The following CDH4 variants were observed in gnomAD, a reference collection of about 807,000 sequenced individuals.
The protein encoded by CDH4 is cadherin-4.
In CDH4, 33 loss-of-function variants were observed where a neutral mutation model predicts 86.0. The ratio of observed to expected loss-of-function variants is 0.38; its 90% confidence interval spans 0.29 to 0.51. CDH4 has a LOEUF of 0.51. CDH4 is among the 20% of genes least tolerant of loss of function. The pLI is 0.86. For synonymous variants in CDH4, 555 were observed against 549.4 expected, an observed-to-expected ratio of 1.01 and a Z score of -0.14; for missense variants, 1,114 against 1,307.4, an observed-to-expected ratio of 0.85 and a Z score of 2.28.
chr20:61,322,056 T>C (rs971745236), intron 2 of CDH4, among the ~76,000 whole-genome samples: 9 of 152,084 alleles, frequency 5.9e-5, no homozygotes, highest in African/African-American at 1.9e-4. Flanking sequence ...GGTTACGTGG[T>C]TGGTCAGAGG....
chr20:61,684,113 C>T lies in CDH4; in HGVS notation c.170-59450C>T, dbSNP rs2087548633. ...GGGTTGGCTGATACCTACTGTGTAG[C>T]AGGGATTGCAGTGGCATCGGACAAA... On this transcript the variant is annotated intron_variant, in intron 2 of 15. Transcript: ENST00000614565. The surrounding 1 kb of genome is among the most constrained non-coding windows in gnomAD (Gnocchi z 4.5). Among the ~76,000 whole-genome samples the T allele has an allele frequency of 1.3e-5, 2 of 152,230 alleles. No individual in the cohort carries two copies.
rs1325409429 is a variant in CDH4, at chr20:61,810,637, GC to G, written c.577-34026del. 6.6e-6 allele frequency among the ~76,000 whole-genome samples: 1 copy of G among 152,084 alleles called. No individual in the cohort carries two copies. The highest frequency in any genetic ancestry group is 1.5e-5 in the Non-Finnish European group (1 of 68,002). ...CATCCACCACTACCAACACCTCCCA[GC>G]CCCCTAACAAGCCAGGAACCACTCC... On this transcript the variant is annotated intron_variant, in intron 4 of 15. Transcript: ENST00000614565. The surrounding 1 kb of genome is among the most constrained non-coding windows in gnomAD (Gnocchi z 4.3).
Position 61,772,871 on chromosome 20 carries a change from G to T in CDH4, c.397-132G>T, listed in dbSNP as rs550662398. The T allele has an allele frequency of 9.7e-4, 632 of 651,952 alleles. 17 individuals are homozygous for T. The South Asian group carries it at 0.02, about 21-fold the overall frequency. The allele number at this position is 651,952 out of a possible 1,614,324, so 40.4% of individuals were successfully genotyped here. ...AGCGTTATCCCGCCCTTCCCGCTTA[G>T]CTCCTTGTCCCAGCGTTACCCGCCT... On this transcript the variant is annotated intron_variant, in intron 3 of 15. Transcript: ENST00000614565.
At chr20:61,793,980 T>C (rs1374569065) in intron 4 of CDH4, among the ~76,000 whole-genome samples, 1 of 71,824 alleles carries the variant, frequency 1.4e-5, no homozygotes, top group East Asian at 3.8e-4. Context: ...CTACTAAAAA[T>C]ACAAAAAAAA....
intron 2 of CDH4, among the ~76,000 whole-genome samples, chr20:61,705,236 C>T (rs1407946067): frequency 6.6e-6 from 1 of 152,330 alleles, no homozygotes; most frequent in East Asian, 1.9e-4. Flanking sequence ...CTCAAGACCC[C>T]AGGTGGGGCT....
At position 61,308,259 on chromosome 20, in the gene CDH4, T is replaced by C. The variant is rs141558883; in HGVS notation, c.169+53322T>C. Among the ~76,000 whole-genome samples, 701 of 152,338 alleles carry C rather than the reference T, an allele frequency of 4.6e-3. 7 individuals carry two copies. The highest frequency in any genetic ancestry group is 0.016 in the African/African-American group (651 of 41,578). On this transcript the variant is annotated intron_variant, in intron 2 of 15. Coordinates refer to ENST00000614565, the MANE Select transcript of CDH4 (RefSeq NM_001794.5). ...CCAGGGTGGTGTAATTTTCAAGGGT[T>C]CTGCAGATGAGTTCTTTAATATTAA...
At chr20:61,862,961 C>A (rs1165356477) in intron 6 of CDH4, among the ~76,000 whole-genome samples, 1 of 152,062 alleles carries the variant, frequency 6.6e-6, no homozygotes, top group African/African-American at 2.4e-5. Flanking sequence ...TATTTTCTTT[C>A]TTTGCCGGCA....
intron 2 of CDH4, among the ~76,000 whole-genome samples, chr20:61,653,547 T>C (rs868348814): frequency 0.3 from 33,360 of 110,542 alleles, 4,785 homozygotes; most frequent in Non-Finnish European, 0.38. Flanking sequence ...CCGGACGGGG[T>C]GGCTGGCCAG....
chr20:61,778,000 A>G (rs1308708064), intron 4 of CDH4, among the ~76,000 whole-genome samples: 2 of 152,262 alleles, frequency 1.3e-5, no homozygotes, highest in Non-Finnish European at 2.9e-5. Flanking sequence ...ACACGTGCAC[A>G]CTATACACAC....
In CDH4 at chr20:61,907,220, TCA is replaced by T. The variant is rs1437957110; in HGVS notation, c.1189-3199_1189-3198del. ...CCGGGCACCAGGTCAGCTCCTAGAC[TCA>T]CAGCAACACGGACCTGGCTGAGGAG... On this transcript the variant is annotated intron_variant, in intron 8 of 15. Coordinates refer to ENST00000614565, the MANE Select transcript of CDH4 (RefSeq NM_001794.5). Among the ~76,000 whole-genome samples, 8 of 151,840 alleles carry T rather than the reference TCA, an allele frequency of 5.3e-5. No homozygotes were observed. The South Asian group carries it at 1.0e-3, about 20-fold the overall frequency.
chr20:61,339,009 A>G (rs1205839665), intron 2 of CDH4, among the ~76,000 whole-genome samples: 1 of 152,306 alleles, frequency 6.6e-6, no homozygotes, highest in East Asian at 1.9e-4. Context: ...GTAAATTGTG[A>G]TATATTCAAG....
intron 2 of CDH4, among the ~76,000 whole-genome samples, chr20:61,374,200 G>C (rs183761181): frequency 5.0e-4 from 76 of 152,336 alleles, no homozygotes; most frequent in African/African-American, 1.7e-3. Context: ...TGTCTGAAAG[G>C]GGAGAAGCAT....
At chr20:61,830,216 G>A (rs1011916354) in intron 4 of CDH4, among the ~76,000 whole-genome samples, 2 of 151,782 alleles carry the variant, frequency 1.3e-5, no homozygotes, top group African/African-American at 2.4e-5. Context: ...GAGGCTCCGA[G>A]GGAGCAGGCG....
chr20:61,620,901 C>T (rs2086771603), intron 2 of CDH4, among the ~76,000 whole-genome samples: 1 of 152,238 alleles, frequency 6.6e-6, no homozygotes, highest in South Asian at 2.1e-4. Flanking sequence ...CTGGTGAGTG[C>T]CCCCAGACTG....
chr20:61,515,033 G>C (rs868034021), intron 2 of CDH4, among the ~76,000 whole-genome samples: 19 of 152,346 alleles, frequency 1.2e-4, no homozygotes, highest in Non-Finnish European at 2.5e-4. Flanking sequence ...AGCTCTTCTC[G>C]GTTTCCTGCC....
chr20:61,830,513 C>G (rs1805710002), intron 4 of CDH4, among the ~76,000 whole-genome samples: 2 of 152,162 alleles, frequency 1.3e-5, no homozygotes, highest in African/African-American at 4.8e-5. Context: ...CCAGGTTGCC[C>G]CGTTTCTGCT....
intron 2 of CDH4, among the ~76,000 whole-genome samples, chr20:61,422,893 C>T (rs1470218040): frequency 2.6e-5 from 4 of 152,144 alleles, no homozygotes; most frequent in Non-Finnish European, 5.9e-5. Context: ...GCCCTCTTGT[C>T]AGGTGTCAGG....
chr20:61,917,663 G>C (rs554039221), intron 9 of CDH4, among the ~76,000 whole-genome samples: 160 of 152,312 alleles, frequency 1.1e-3, no homozygotes, highest in African/African-American at 2.9e-3. Flanking sequence ...ACTCCGCCCA[G>C]CCGGTGCTGG....
chr20:61,285,884 C>T (rs1231038955), intron 2 of CDH4, among the ~76,000 whole-genome samples: 2 of 152,220 alleles, frequency 1.3e-5, no homozygotes, highest in East Asian at 1.9e-4. Context: ...TGGGGATGGC[C>T]GTGGGCACCC....
Sources: allele counts gnomAD v4.1 joint callset (sites outside exome capture counted in the v4.1 genomes callset), GRCh38; gene constraint gnomAD v4.1.1; non-coding constraint Gnocchi (gnomAD v3.1); transcripts MANE v1.5; gene names NCBI Gene and HGNC (gene_info 2026-07-23, HGNC 2026-07-21).